C5: variants seen among roughly 807,000 people sequenced by gnomAD.
C5 encodes complement C5, also known as C3 and PZP-like alpha-2-macroglobulin domain-containing protein 4.
Under a neutral mutation model 218.8 loss-of-function variants are expected in C5, and 140 were observed. The observed-to-expected ratio is 0.64, with a 90% confidence interval of 0.56 to 0.74. C5 has a LOEUF of 0.74. C5 is among the 30% of genes least tolerant of loss of function. The pLI is 0.00. For synonymous variants in C5, 614 were observed against 682.3 expected (o/e 0.90, Z 1.56); for missense variants, 1,700 against 1,969.6 (o/e 0.86, Z 2.59).
At chr9:120,977,019 G>T (rs2046958684) in intron 28 of C5, 114 bp from the exon 29 acceptor site, 1 of 889,158 alleles carries the variant, frequency 1.1e-6, no homozygotes, top group Non-Finnish European at 1.8e-6. Flanking sequence ...ACTTTTTCTT[G>T]TTAGAGGAAC....
rs1262187350 is a variant in C5 at position 120,952,442 on chromosome 9, G to A, written c.*297C>T. The A allele has an allele frequency of 2.9e-6, 1 of 349,786 alleles. No homozygotes were observed. The allele number at this position is 349,786 out of a possible 1,614,324, so 21.7% of individuals were successfully genotyped here. On this transcript the variant is annotated 3_prime_UTR_variant, in exon 41 of 41. Coordinates refer to ENST00000223642, the MANE Select transcript of C5 (RefSeq NM_001735.3). ...CTCCCTTTCAATGGACTGTTCTTTC[G>A]GCCCCAGCAAACATTCCTGAGTGGT...
chr9:120,969,192 G>T, intron 32 of C5, 74 bp from the exon 33 acceptor site: 2 of 1,178,292 alleles, frequency 1.7e-6, no homozygotes, highest in Non-Finnish European at 2.5e-6. Flanking sequence ...GAACCTGTCA[G>T]AACAGAATCA....
At chr9:121,027,131 G>A in intron 8 of C5, 29 bp downstream of exon 8, 1 of 1,155,916 alleles carries the variant, frequency 8.7e-7, no homozygotes, top group Non-Finnish European at 1.3e-6. Context: ...GCATCTGTAG[G>A]TGTGAGTGAC....
intron 30 of C5, among the ~76,000 whole-genome samples, chr9:120,972,635 G>A (rs539029942): frequency 1.3e-5 from 2 of 152,238 alleles, no homozygotes; most frequent in Non-Finnish European, 2.9e-5. Flanking sequence ...AGACATAAAC[G>A]GAGTTAAGTC....
At position 120,962,929 on chromosome 9, in the gene C5, T is replaced by C. The variant is rs1337920021; in HGVS notation, c.4362A>G (p.Gln1454=). ...EGVDQLFTDY[Q]IKDGHVILQL... ...GCAGAATAACATGTCCATCTTTGAT[T>C]TGGTAATCAGTGAATAGTTGATCCA... Residue 1454 remains glutamine, a synonymous_variant, in exon 35 of 41, where the codon CAA becomes CAG. Transcript: ENST00000223642. 1.9e-6 allele frequency: 3 copies of C among 1,613,996 alleles called. No homozygotes were observed. Among genetic ancestry groups the C allele is most frequent in the African/African-American group, 2.7e-5 (2 of 74,924 alleles).
chr9:121,003,381 A>C (rs2047188278), intron 20 of C5, among the ~76,000 whole-genome samples: 1 of 152,310 alleles, frequency 6.6e-6, no homozygotes, highest in Non-Finnish European at 1.5e-5. Context: ...TGGCCAAGTA[A>C]AATTTGTGTG....
rs1038238931 is a variant in C5, at chr9:121,039,636, A to C, written c.422-1685T>G. On this transcript the variant is annotated intron_variant, in intron 3 of 40. Transcript: ENST00000223642. ...TGGGTGACAGAGCGAGACACTCACT[A>C]AATAAAAATAAAAATAAAAGATGTG... 3.3e-5 allele frequency among the ~76,000 whole-genome samples: 5 copies of C among 152,238 alleles called. No individual in the cohort carries two copies. In the East Asian group the frequency reaches 5.8e-4, roughly 18 times the overall value.
At chr9:121,055,374 G>A in the C5 span, among the ~76,000 whole-genome samples, 1 of 152,018 alleles carries the variant, frequency 6.6e-6, no homozygotes, top group Non-Finnish European at 1.5e-5. Context: ...GGAGGCAGTG[G>A]ACTTAGGGTG....
chr9:121,036,202 A>G (rs2047523069), intron 4 of C5, among the ~76,000 whole-genome samples: 2 of 152,230 alleles, frequency 1.3e-5, no homozygotes, highest in Admixed American at 6.5e-5. Flanking sequence ...AACAAGAATT[A>G]TACTTGTAGC....
At chr9:120,957,400 C>A in intron 38 of C5, 32 bp from the exon 39 acceptor site, 1 of 1,510,422 alleles carries the variant, frequency 6.6e-7, no homozygotes, top group South Asian at 1.1e-5. Flanking sequence ...TGAAACAATT[C>A]AGTCTTAATA....
At chr9:121,007,068 A>G in intron 18 of C5, 91 bp from the exon 19 acceptor site, 2 of 960,846 alleles carry the variant, frequency 2.1e-6, no homozygotes, top group Non-Finnish European at 3.4e-6. Flanking sequence ...TTTGCTTCAA[A>G]CTACTTTAGA....
chr9:121,048,119 T>C (rs1588002588), intron 1 of C5, among the ~76,000 whole-genome samples: 1 of 152,370 alleles, frequency 6.6e-6, no homozygotes, highest in East Asian at 1.9e-4. Flanking sequence ...ACTGTTGTAC[T>C]AAATGGAATT....
intron 12 of C5, among the ~76,000 whole-genome samples, chr9:121,018,358 G>A (rs1009628010): frequency 6.6e-6 from 1 of 151,430 alleles, no homozygotes; most frequent in Non-Finnish European, 1.5e-5. Context: ...CAGATCACCT[G>A]AGGTCAGGAG....
Position 120,973,872 on chromosome 9 carries a change from T to A in C5, c.4017+907A>T, listed in dbSNP as rs545050640. On this transcript the variant is annotated intron_variant, in intron 30 of 40. Coordinates refer to ENST00000223642, the MANE Select transcript of C5 (RefSeq NM_001735.3). ...CAGGCGCCTATAATCCCGCCTGCTT[T>A]GGAGGCTGAGGCAGGAGAATTGCTT... Among the ~76,000 whole-genome samples, 3 of 152,024 alleles carry A rather than the reference T, an allele frequency of 2.0e-5. No homozygotes were observed. In the East Asian group the frequency reaches 5.8e-4, roughly 29 times the overall value.
intron 20 of C5, among the ~76,000 whole-genome samples, chr9:121,002,236 ATGTATATGTATATATATG>A (rs1564146430): frequency 1.8e-5 from 1 of 55,038 alleles, no homozygotes; most frequent in African/African-American, 4.3e-5. Context: ...ATATGTATAT[ATGTATATGTATATATATG>A]TATATATGTA....
intron 7 of C5, among the ~76,000 whole-genome samples, 163 bp downstream of exon 7, chr9:121,030,233 AG>A (rs2131795690): frequency 6.6e-6 from 1 of 152,366 alleles, no homozygotes; most frequent in South Asian, 2.1e-4. Flanking sequence ...AATCAGAATA[AG>A]CAAATGAACT....
Position 120,981,954 on chromosome 9 carries a change from T to G in C5, c.3391-15A>C. On this transcript the variant is annotated splice_polypyrimidine_tract_variant and intron_variant, in intron 26 of 40. Coordinates refer to ENST00000223642, the MANE Select transcript of C5 (RefSeq NM_001735.3). ...GGCAAGGTACCCTAAAAAGAAGCAATGTTTTAAAAGGGGAGTGAAATGGTG... is the reference window on the plus strand; with the variant it reads ...GGCAAGGTACCCTAAAAAGAAGCAAGGTTTTAAAAGGGGAGTGAAATGGTG... 1 of 1,580,884 alleles carries G rather than the reference T, an allele frequency of 6.3e-7. No individual in the cohort carries two copies. The highest frequency in any genetic ancestry group is 8.7e-7 in the Non-Finnish European group (1 of 1,150,046).
At chr9:120,972,897 G>A (rs2046925351) in intron 30 of C5, among the ~76,000 whole-genome samples, 1 of 152,074 alleles carries the variant, frequency 6.6e-6, no homozygotes, top group South Asian at 2.1e-4. Context: ...AGCATTTGTT[G>A]GAAAACAGGT....
At position 120,968,909 on chromosome 9, in the gene C5, C is replaced by A. The variant is rs41312885; in HGVS notation, c.4220+152G>T. 5,577 of 678,888 alleles carry A rather than the reference C, an allele frequency of 8.2e-3. 231 individuals carry two copies. The African/African-American group carries it at 0.09, about 11-fold the overall frequency. The allele number at this position is 678,888 out of a possible 1,614,324, so 42.1% of individuals were successfully genotyped here. ...CAAGGCTGTTTTTTATGGTAAGTAG[C>A]AATTTAAGAATATATATGTTCTGCA... On this transcript the variant is annotated intron_variant, in intron 33 of 40. Coordinates refer to ENST00000223642, the MANE Select transcript of C5 (RefSeq NM_001735.3).
Sources: allele counts gnomAD v4.1 joint callset (sites outside exome capture counted in the v4.1 genomes callset), GRCh38; gene constraint gnomAD v4.1.1; transcripts MANE v1.5; gene names NCBI Gene and HGNC (gene_info 2026-07-23, HGNC 2026-07-21).